Variants in ACCSL observed in about 807,000 individuals in gnomAD.
ACCSL encodes the protein probable inactive 1-aminocyclopropane-1-carboxylate synthase-like protein 2.
A neutral mutation model predicts 61.7 loss-of-function variants in ACCSL; 55 were observed. The observed-to-expected ratio is 0.89, with a 90% CI of 0.72 to 1.12. The LOEUF is 1.12. Among genes scored for constraint, ACCSL ranks in the 50% most tolerant of loss-of-function variants. The pLI is 0.00. For missense variants in ACCSL, 632 were observed against 698.0 expected, an observed-to-expected ratio of 0.91 and a Z score of 1.07; for synonymous variants, 258 against 264.3, an observed-to-expected ratio of 0.98 and a Z score of 0.23.
At chr11:44,030,624 G>GT in the ACCSL span, among the ~76,000 whole-genome samples, 1 of 151,956 alleles carries the variant, frequency 6.6e-6, no homozygotes, top group Non-Finnish European at 1.5e-5. Flanking sequence ...AATTTATCTG[G>GT]TTTTTTGTTG....
At chr11:44,019,733 A>G in the ACCSL span, among the ~76,000 whole-genome samples, 7 of 152,210 alleles carry the variant, frequency 4.6e-5, no homozygotes, top group Non-Finnish European at 1.0e-4. Context: ...CCCTTGAAGC[A>G]CAGAAGTTTC....
At chr11:44,000,534 A>AG in the ACCSL span, among the ~76,000 whole-genome samples, 2 of 149,464 alleles carry the variant, frequency 1.3e-5, no homozygotes, top group African/African-American at 2.5e-5. Context: ...TCAAAAAAAA[A>AG]AAAAGAAAAG....
At chr11:43,939,764 A>G in the ACCSL span, among the ~76,000 whole-genome samples, 1 of 152,012 alleles carries the variant, frequency 6.6e-6, no homozygotes, top group Non-Finnish European at 1.5e-5. Context: ...CTGCCACCAC[A>G]CCTGGCTAAT....
chr11:44,002,354 C>A, the ACCSL span, among the ~76,000 whole-genome samples: 19 of 152,340 alleles, frequency 1.2e-4, no homozygotes, highest in African/African-American at 4.6e-4. Flanking sequence ...TGGGGTGAAT[C>A]TGGACCCCCA....
chr11:44,010,271 C>T, the ACCSL span, among the ~76,000 whole-genome samples: 927 of 151,796 alleles, frequency 6.1e-3, 13 homozygotes, highest in African/African-American at 0.021. Context: ...ATCTGGGAGG[C>T]GGAGGTTGCA....
chr11:43,930,063 G>C, the ACCSL span, among the ~76,000 whole-genome samples: 7 of 152,302 alleles, frequency 4.6e-5, no homozygotes, highest in African/African-American at 1.7e-4. Context: ...GCAGCCCTGA[G>C]AGGAAGGCAC....
chr11:43,943,034 C>T, the ACCSL span: 1 of 1,500,412 alleles, frequency 6.7e-7, no homozygotes, highest in Non-Finnish European at 8.9e-7. This position sits in a 1 kb window ranked among gnomAD's most constrained non-coding sequence, Gnocchi z 4.8. Flanking sequence ...GGGCCGGGGC[C>T]GGCTGCGGCG....
the ACCSL span, among the ~76,000 whole-genome samples, chr11:44,018,626 A>T: frequency 1.3e-5 from 2 of 152,218 alleles, no homozygotes; most frequent in African/African-American, 4.8e-5. Context: ...GTCCAGGATG[A>T]TAATAGTAAT....
the ACCSL span, among the ~76,000 whole-genome samples, chr11:43,924,528 G>A: frequency 1.6e-3 from 250 of 152,390 alleles, no homozygotes; most frequent in African/African-American, 5.6e-3. Context: ...GAGTGGGACA[G>A]GGACCTGGAG....
the ACCSL span, chr11:43,995,460 C>T: frequency 6.6e-6 from 1 of 152,244 alleles, no homozygotes; most frequent in Non-Finnish European, 1.5e-5. Flanking sequence ...TGTCTGTCCT[C>T]ATGGAATTGA....
the ACCSL span, among the ~76,000 whole-genome samples, chr11:43,976,671 G>T: frequency 6.6e-6 from 1 of 152,118 alleles, no homozygotes; most frequent in African/African-American, 2.4e-5. Context: ...TCTGTGGAAG[G>T]GGAAGGCACA....
chr11:43,973,566 C>T, the ACCSL span, among the ~76,000 whole-genome samples: 3 of 152,158 alleles, frequency 2.0e-5, no homozygotes, highest in Non-Finnish European at 4.4e-5. Flanking sequence ...GTTACTTTGG[C>T]CTGCTCTCAA....
At chr11:44,015,568 G>C in the ACCSL span, among the ~76,000 whole-genome samples, 1 of 152,226 alleles carries the variant, frequency 6.6e-6, no homozygotes, top group South Asian at 2.1e-4. Context: ...TACTCCTTGA[G>C]TGGGGAGCAG....
chr11:43,942,657 GC>G, the ACCSL span: 1 of 246,388 alleles, frequency 4.1e-6, no homozygotes, highest in Non-Finnish European at 8.1e-6. Flanking sequence ...AGCAGCGGCG[GC>G]GAGCGCCTCG....
Position 44,050,926 on chromosome 11 carries a change from C to G in ACCSL, c.635+304C>G, listed in dbSNP as rs535157680. Among the ~76,000 whole-genome samples, 55 of 150,204 alleles carry G rather than the reference C, an allele frequency of 3.7e-4. 1 individual carries two copies. The South Asian group carries it at 0.011, about 31-fold the overall frequency. ...GTGCTATCTCAGCTCACTGCAGGCT[C>G]TGCCCCCTGGGTTCAGGCCATTCTC... is the stretch of plus-strand genomic sequence containing the variant. On this transcript the variant is annotated intron_variant, in intron 3 of 13. Coordinates refer to ENST00000378832, the MANE Select transcript of ACCSL (RefSeq NM_001031854.2).
the ACCSL span, among the ~76,000 whole-genome samples, chr11:43,939,808 T>G: frequency 1.3e-5 from 2 of 152,196 alleles, no homozygotes; most frequent in Non-Finnish European, 2.9e-5. Flanking sequence ...GGTTTCACCA[T>G]GTTGCCCAGG....
chr11:43,948,648 A>G, the ACCSL span, among the ~76,000 whole-genome samples: 1 of 151,972 alleles, frequency 6.6e-6, no homozygotes, highest in Non-Finnish European at 1.5e-5. Context: ...TATTTTTTAA[A>G]TTTTTTGTTG....
At chr11:44,022,838 T>C in the ACCSL span, among the ~76,000 whole-genome samples, 1 of 152,078 alleles carries the variant, frequency 6.6e-6, no homozygotes, top group Non-Finnish European at 1.5e-5. Flanking sequence ...TCAGGGTAAT[T>C]CAAGCCTTAT....
chr11:44,032,224 A>G, the ACCSL span, among the ~76,000 whole-genome samples: 653 of 152,322 alleles, frequency 4.3e-3, 4 homozygotes, highest in East Asian at 0.031. Flanking sequence ...GGGCTGGGAT[A>G]TGCAAGATGC....
Sources: allele counts gnomAD v4.1 joint callset (sites outside exome capture counted in the v4.1 genomes callset), GRCh38; gene constraint gnomAD v4.1.1; non-coding constraint Gnocchi (gnomAD v3.1); transcripts MANE v1.5; gene names NCBI Gene and HGNC (gene_info 2026-07-23, HGNC 2026-07-21).